The following PLA1A variants were observed in gnomAD, a reference collection of about 807,000 sequenced individuals.
The protein encoded by PLA1A is phosphatidylserine-specific phospholipase A1alpha.
In PLA1A, 47 loss-of-function variants were observed where a neutral mutation model predicts 49.4. The observed-to-expected ratio is 0.95, with a 90% CI of 0.75 to 1.21. The LOEUF (loss-of-function observed/expected upper bound fraction) is 1.21. Ranked by LOEUF, PLA1A falls within the 50% of genes most tolerant of loss-of-function variation. The pLI, the probability that PLA1A is intolerant of heterozygous loss-of-function variation, is 0.00. For synonymous variants in PLA1A, 224 were observed against 207.9 expected (o/e 1.08, Z -0.67); for missense variants, 561 against 563.9 (o/e 0.99, Z 0.05).
intron 1 of PLA1A, among the ~76,000 whole-genome samples, chr3:119,600,071 A>G (rs1388404941): frequency 1.3e-5 from 2 of 152,156 alleles, no homozygotes; most frequent in Admixed American, 1.3e-4. Context: ...AAGTAGGTGG[A>G]CAGAAAGAAG....
intron 4 of PLA1A, among the ~76,000 whole-genome samples, chr3:119,610,905 G>A (rs1393358086): frequency 1.3e-5 from 2 of 152,072 alleles, no homozygotes. Context: ...ATTCAGGAGA[G>A]TATTTCCCAG....
intron 5 of PLA1A, among the ~76,000 whole-genome samples, 182 bp from the exon 6 acceptor site, chr3:119,615,824 GAAAAAA>G (rs1183045059): frequency 7.1e-6 from 1 of 141,064 alleles, no homozygotes; most frequent in African/African-American, 2.8e-5. Flanking sequence ...GAAAGCCTCA[GAAAAAA>G]AAAAGAAAAA....
chr3:119,618,106 C>G lies in PLA1A; in HGVS notation c.842C>G (p.Pro281Arg), dbSNP rs111929583. 1 of 1,614,022 alleles carries G rather than the reference C, an allele frequency of 6.2e-7. No individual in the cohort carries two copies. Among genetic ancestry groups the G allele is most frequent in the Admixed American group, 1.7e-5 (1 of 60,032 alleles). Reference protein sequence around the residue: ...LENSCPLMAFPCASYKAFLAG... With the variant: ...LENSCPLMAFRCASYKAFLAG... ...AATTCCTGTCCACTGATGGCCTTTC[C>G]CTGTGCCAGCTACAAGGCCTTCCTT... The change falls in exon 7 of 11, where the codon CCC becomes CGC. Residue 281 changes from proline (P) to arginine (R), a missense_variant. By Grantham distance (103) the Pro-to-Arg change is moderately radical (BLOSUM62 -2). Transcript: ENST00000273371.
Position 119,618,085 on chromosome 3 carries a change from C to T in PLA1A, c.821C>T (p.Ser274Phe). 1 of 1,613,996 alleles carries T rather than the reference C, an allele frequency of 6.2e-7. No individual in the cohort carries two copies. The highest frequency in any genetic ancestry group is 8.5e-7 in the Non-Finnish European group (1 of 1,179,834). The stretch of plus-strand genomic sequence containing the variant: ...CTCTACATCAGCGCCCTGGAGAATT[C>T]CTGTCCACTGATGGCCTTTCCCTGT... ...VHLYISALENSCPLMAFPCAS... is the reference protein window; with the variant it reads ...VHLYISALENFCPLMAFPCAS... The change falls in exon 7 of 11, where the codon TCC becomes TTC. Residue 274 changes from serine (S) to phenylalanine (F), a missense_variant. Physicochemically the swap from Ser to Phe is radical, Grantham distance 155. Transcript: ENST00000273371.
At chr3:119,618,784 A>T (rs1479811619) in intron 7 of PLA1A, among the ~76,000 whole-genome samples, 1 of 150,186 alleles carries the variant, frequency 6.7e-6, no homozygotes, top group Non-Finnish European at 1.5e-5. Context: ...TCCAGGAAAA[A>T]CTCCTGGGCA....
At chr3:119,621,702 T>C (rs1332140866) in intron 8 of PLA1A, among the ~76,000 whole-genome samples, 2 of 152,218 alleles carry the variant, frequency 1.3e-5, no homozygotes, top group Non-Finnish European at 2.9e-5. Flanking sequence ...TTGAGGGCTA[T>C]GGCTTGCAGA....
At chr3:119,602,814 G>A (rs1291081144) in intron 1 of PLA1A, among the ~76,000 whole-genome samples, 2 of 152,144 alleles carry the variant, frequency 1.3e-5, no homozygotes, top group Non-Finnish European at 2.9e-5. Flanking sequence ...GAGAAATGAA[G>A]TGAGGAACAC....
chr3:119,608,242 G>GAA (rs780704533), intron 2 of PLA1A, among the ~76,000 whole-genome samples: 2 of 123,730 alleles, frequency 1.6e-5, no homozygotes, highest in Non-Finnish European at 3.3e-5. Flanking sequence ...GAAAGAAAGA[G>GAA]AGAAAGAAAG....
chr3:119,619,462 G>T, intron 7 of PLA1A, 101 bp from the exon 8 acceptor site: 2 of 807,734 alleles, frequency 2.5e-6, no homozygotes, highest in East Asian at 4.9e-5. Context: ...AGATGTCCGT[G>T]GAATAAATGG....
chr3:119,613,224 T>G lies in PLA1A; in HGVS notation c.664+106T>G, dbSNP rs2082794423. The G allele has an allele frequency of 4.4e-6, 3 of 685,542 alleles. No homozygotes were observed. The East Asian group carries it at 8.5e-5, about 19-fold the overall frequency. The allele number at this position is 685,542 out of a possible 1,614,324, so 42.5% of individuals were successfully genotyped here. A position where few individuals can be genotyped will look rare whatever the true frequency, so the allele number is the denominator to read the frequency against. On this transcript the variant is annotated intron_variant, in intron 5 of 10. Transcript: ENST00000273371. Reference sequence around the variant, plus strand: ...TGGGCAGAGATGCCCTGACCCTCTCTGAGCTTCTGTTGCACAGTGAAGAGT... The same window carrying G: ...TGGGCAGAGATGCCCTGACCCTCTCGGAGCTTCTGTTGCACAGTGAAGAGT...
intron 7 of PLA1A, 135 bp downstream of exon 7, chr3:119,618,321 G>A (rs2107793357): frequency 2.6e-6 from 2 of 783,188 alleles, no homozygotes; most frequent in African/African-American, 1.7e-5. Context: ...AAGCAATGAG[G>A]TGCTCAGCCT....
chr3:119,601,745 G>A (rs1182008196), intron 1 of PLA1A, among the ~76,000 whole-genome samples: 2 of 152,226 alleles, frequency 1.3e-5, no homozygotes, highest in Non-Finnish European at 2.9e-5. Context: ...AATAGAAGCA[G>A]TGATAGCAGA....
At position 119,628,824 on chromosome 3, in the gene PLA1A, T is replaced by A. The variant is rs772158895; in HGVS notation, c.1245T>A (p.Ile415=). The part of the protein sequence containing the change: ...NRVWKKDRTT[I]IGKFCTALLP... ...TTTGGAAAAAAGACCGGACTACCAT[T>A]ATTGGGAAGTTCTGCACTGCCCTTT... The change falls in exon 10 of 11, where the codon ATT becomes ATA. Residue 415 remains isoleucine (I), a synonymous_variant. Coordinates refer to ENST00000273371, the MANE Select transcript of PLA1A (RefSeq NM_015900.4). 6 of 1,613,916 alleles carry A rather than the reference T, an allele frequency of 3.7e-6. No individual in the cohort carries two copies. The South Asian group carries it at 6.6e-5, about 18-fold the overall frequency.
intron 1 of PLA1A, among the ~76,000 whole-genome samples, chr3:119,601,504 C>A (rs2082618332): frequency 6.6e-6 from 1 of 152,188 alleles, no homozygotes; most frequent in South Asian, 2.1e-4. Context: ...TCATTCTGCA[C>A]CCCTCATTTC....
At position 119,613,400 on chromosome 3, in the gene PLA1A, A is replaced by G. The variant is rs547458875; in HGVS notation, c.664+282A>G. On this transcript the variant is annotated intron_variant, in intron 5 of 10. Transcript: ENST00000273371. ...CTCACTTTCTGATTCAAATGAATGC[A>G]GTAATAACAGTGTGCTGAGCAGTAC... is the stretch of plus-strand genomic sequence containing the variant. 5.9e-5 allele frequency among the ~76,000 whole-genome samples: 9 copies of G among 152,388 alleles called. No homozygotes were observed. In the South Asian group the frequency reaches 1.7e-3, roughly 28 times the overall value.
intron 8 of PLA1A, among the ~76,000 whole-genome samples, chr3:119,621,097 G>A (rs1001109396): frequency 2.0e-5 from 3 of 152,188 alleles, no homozygotes; most frequent in African/African-American, 7.2e-5. Context: ...GTGTTGCCAG[G>A]ACCAGATGTC....
chr3:119,607,036 A>T (rs1380347565), intron 2 of PLA1A, 61 bp downstream of exon 2: 1 of 1,358,512 alleles, frequency 7.4e-7, no homozygotes, highest in East Asian at 2.3e-5. Context: ...CCATAATACC[A>T]TAAGAAGTTA....
intron 1 of PLA1A, 25 bp from the exon 2 acceptor site, chr3:119,606,749 C>T: frequency 1.3e-6 from 2 of 1,594,294 alleles, no homozygotes; most frequent in Non-Finnish European, 1.7e-6. Context: ...TTGGATGTTG[C>T]TTGTTTTGTT....
Position 119,629,407 on chromosome 3 carries a change from A to C in PLA1A, c.1310A>C (p.Glu437Ala). ...NDREKMVCLP[E>A]PVNLQASVTV... ...AGAGAAAAGATGGTCTGCTTACCTG[A>C]ACCAGTGAACTTACAAGCAAGTGTG... Residue 437 changes from glutamate to alanine, a missense_variant, in exon 11 of 11, where the codon GAA (glutamate) becomes GCA (alanine). Physicochemically the swap from Glu to Ala is moderately radical, Grantham distance 107 (BLOSUM62 -1). Transcript: ENST00000273371. 6.2e-7 allele frequency: 1 copy of C among 1,610,760 alleles called. No individual in the cohort carries two copies. The highest frequency in any genetic ancestry group is 1.1e-5 in the South Asian group (1 of 91,008).
Sources: allele counts gnomAD v4.1 joint callset (sites outside exome capture counted in the v4.1 genomes callset), GRCh38; gene constraint gnomAD v4.1.1; transcripts MANE v1.5; gene names NCBI Gene and HGNC (gene_info 2026-07-23, HGNC 2026-07-21).